The following PIP4K2A variants were observed in gnomAD, a reference collection of about 807,000 sequenced individuals.
PIP4K2A encodes phosphatidylinositol-5-phosphate 4-kinase type 2 alpha, also known as phosphatidylinositol 5-phosphate 4-kinase type-2 alpha.
Under a neutral mutation model 42.9 loss-of-function variants are expected in PIP4K2A, and 14 were observed. That is an observed-to-expected ratio of 0.33 (90% CI 0.22 to 0.51). The LOEUF (loss-of-function observed/expected upper bound fraction) is 0.51. Among genes scored for constraint, PIP4K2A ranks in the 20% least tolerant of loss-of-function variants. The pLI is 0.97. For missense variants in PIP4K2A, 434 were observed against 519.8 expected (o/e 0.83, Z 1.61); for synonymous variants, 192 against 192.2 (o/e 1.00, Z 0.01).
At chr10:22,582,987 A>G (rs1292153229) in intron 4 of PIP4K2A, among the ~76,000 whole-genome samples, 1 of 152,134 alleles carries the variant, frequency 6.6e-6, no homozygotes, top group Non-Finnish European at 1.5e-5. Flanking sequence ...TTCTTAATTA[A>G]GCTTGATAAA....
chr10:22,546,949 C>CT (rs1836271614), intron 7 of PIP4K2A, among the ~76,000 whole-genome samples: 1 of 152,196 alleles, frequency 6.6e-6, no homozygotes, highest in African/African-American at 2.4e-5. Context: ...AGGTCCCCTG[C>CT]TTTTCTTCCT....
At chr10:22,625,568 C>T (rs1838420617) in intron 1 of PIP4K2A, among the ~76,000 whole-genome samples, 1 of 152,098 alleles carries the variant, frequency 6.6e-6, no homozygotes, top group South Asian at 2.1e-4. Flanking sequence ...GCATCTATTA[C>T]CCCAGGGATG....
chr10:22,669,718 G>T (rs1839413248), intron 1 of PIP4K2A, among the ~76,000 whole-genome samples: 1 of 152,166 alleles, frequency 6.6e-6, no homozygotes, highest in Admixed American at 6.5e-5. Context: ...CAAGTTCCAG[G>T]TGCAGGCAAT....
intron 5 of PIP4K2A, chr10:22,569,012 C>G (rs1026629029): frequency 6.5e-7 from 1 of 1,533,888 alleles, no homozygotes; most frequent in Admixed American, 2.0e-5. Flanking sequence ...AATGAACTTA[C>G]AGTTGGCTTG....
At chr10:22,560,161 G>A (rs1262079846) in intron 6 of PIP4K2A, among the ~76,000 whole-genome samples, 2 of 152,144 alleles carry the variant, frequency 1.3e-5, no homozygotes, top group African/African-American at 4.8e-5. Flanking sequence ...CGGAAGAAAA[G>A]GAATTTTACA....
At chr10:22,629,534 G>A (rs1838508507) in intron 1 of PIP4K2A, among the ~76,000 whole-genome samples, 1 of 152,100 alleles carries the variant, frequency 6.6e-6, no homozygotes, top group African/African-American at 2.4e-5. Context: ...TGACTTTAAA[G>A]TAATATATAA....
chr10:22,649,623 C>T (rs1409259838), intron 1 of PIP4K2A, among the ~76,000 whole-genome samples: 2 of 152,182 alleles, frequency 1.3e-5, no homozygotes, highest in African/African-American at 4.8e-5. Flanking sequence ...CATTAGCACA[C>T]GCAGGCTCAT....
intron 1 of PIP4K2A, among the ~76,000 whole-genome samples, chr10:22,627,343 T>A (rs1838460600): frequency 6.6e-6 from 1 of 151,964 alleles, no homozygotes; most frequent in Non-Finnish European, 1.5e-5. Context: ...ACTCTCACAG[T>A]CTCTCCCACC....
rs1019311556 is a variant in PIP4K2A at position 22,705,020 on chromosome 10, TG to T, written c.144+9162del. On this transcript the variant is annotated intron_variant, in intron 1 of 9. Transcript: ENST00000376573. ...GCTGTCCAAAATTTAGATGGGATGGTGGGAAGAGTGGAAGCTGACGGCTTCT... is the reference window on the plus strand; with the variant it reads ...GCTGTCCAAAATTTAGATGGGATGGTGGAAGAGTGGAAGCTGACGGCTTCT... 4.4e-4 allele frequency among the ~76,000 whole-genome samples: 67 copies of T among 151,482 alleles called. No individual in the cohort carries two copies. In the Middle Eastern group the frequency reaches 0.014, roughly 31 times the overall value.
intron 1 of PIP4K2A, among the ~76,000 whole-genome samples, chr10:22,667,204 G>C (rs1420739552): frequency 6.6e-6 from 1 of 152,178 alleles, no homozygotes; most frequent in Admixed American, 6.5e-5. Context: ...GCTTAAAAGA[G>C]CAAGATCTTG....
rs1383399253 is a variant in PIP4K2A, at chr10:22,554,325, TTAA to T, written c.679-3556_679-3554del. 2.1e-3 allele frequency among the ~76,000 whole-genome samples: 313 copies of T among 152,298 alleles called. 5 individuals carry two copies. Among genetic ancestry groups the T allele is most frequent in the Non-Finnish European group, 3.2e-4 (22 of 68,022 alleles). Reference sequence around the variant, plus strand: ...AAAACTATACTATGATTTAATGAACTTAATAAACTCTTGGTGTAAAACTGCCTA... The same window carrying T: ...AAAACTATACTATGATTTAATGAACTTAAACTCTTGGTGTAAAACTGCCTA... On this transcript the variant is annotated intron_variant, in intron 6 of 9. Coordinates refer to ENST00000376573, the MANE Select transcript of PIP4K2A (RefSeq NM_005028.5).
intron 5 of PIP4K2A, among the ~76,000 whole-genome samples, chr10:22,571,408 T>C (rs1325304581): frequency 2.0e-5 from 3 of 152,234 alleles, no homozygotes; most frequent in African/African-American, 7.2e-5. Flanking sequence ...TCCACCATCC[T>C]GGGCCTGACC....
chr10:22,647,701 G>T (rs1838912156), intron 1 of PIP4K2A, among the ~76,000 whole-genome samples: 1 of 152,192 alleles, frequency 6.6e-6, no homozygotes, highest in African/African-American at 2.4e-5. Flanking sequence ...GCCTCAGAAA[G>T]GTCACAGAAG....
At chr10:22,566,408 G>A (rs1041964975) in intron 6 of PIP4K2A, among the ~76,000 whole-genome samples, 1 of 152,138 alleles carries the variant, frequency 6.6e-6, no homozygotes, top group African/African-American at 2.4e-5. Flanking sequence ...GGAGTGGAAT[G>A]AACACCTACC....
At chr10:22,603,646 C>A (rs1837844067) in intron 3 of PIP4K2A, among the ~76,000 whole-genome samples, 1 of 152,164 alleles carries the variant, frequency 6.6e-6, no homozygotes, top group Non-Finnish European at 1.5e-5. Flanking sequence ...TTCCCTAAAA[C>A]GGCTAGCACA....
chr10:22,540,225 ACC>A, intron 8 of PIP4K2A, 151 bp from the exon 9 acceptor site: 2 of 619,838 alleles, frequency 3.2e-6, no homozygotes, highest in South Asian at 3.8e-5. Context: ...ACTCTACACC[ACC>A]CCTGCGGATC....
chr10:22,710,613 A>C (rs2130931245), intron 1 of PIP4K2A, among the ~76,000 whole-genome samples: 1 of 152,218 alleles, frequency 6.6e-6, no homozygotes, highest in South Asian at 2.1e-4. Flanking sequence ...ACGCACTCAC[A>C]CACCCACACA....
chr10:22,645,967 C>T (rs991908478), intron 1 of PIP4K2A, among the ~76,000 whole-genome samples: 2 of 152,142 alleles, frequency 1.3e-5, no homozygotes, highest in Non-Finnish European at 2.9e-5. Context: ...AGAGATCCAC[C>T]GATCTTGGCG....
intron 7 of PIP4K2A, among the ~76,000 whole-genome samples, chr10:22,548,260 T>G (rs1469349717): frequency 2.0e-5 from 3 of 152,238 alleles, no homozygotes; most frequent in Non-Finnish European, 4.4e-5. Context: ...ACACCCTGCC[T>G]CCATTTCAAC....
Sources: allele counts gnomAD v4.1 joint callset (sites outside exome capture counted in the v4.1 genomes callset), GRCh38; gene constraint gnomAD v4.1.1; transcripts MANE v1.5; gene names NCBI Gene and HGNC (gene_info 2026-07-23, HGNC 2026-07-21).